The following TMEM132C variants were observed in gnomAD, a reference collection of about 807,000 sequenced individuals.
TMEM132C encodes the protein protein phosphatase 1, regulatory subunit 152.
A neutral mutation model predicts 61.4 loss-of-function variants in TMEM132C; 29 were observed. The observed-to-expected ratio is 0.47, with a 90% CI of 0.35 to 0.64. The LOEUF (loss-of-function observed/expected upper bound fraction) is 0.64. Among genes scored for constraint, TMEM132C ranks in the 30% least tolerant of loss-of-function variants. TMEM132C has a pLI of 0.00. For missense variants in TMEM132C, 1,408 were observed against 1,476.9 expected (o/e 0.95, Z 0.76); for synonymous variants, 656 against 633.1 (o/e 1.04, Z -0.54).
At chr12:128,432,182 A>C (rs915523049) in intron 2 of TMEM132C, among the ~76,000 whole-genome samples, 3 of 152,236 alleles carry the variant, frequency 2.0e-5, no homozygotes, top group African/African-American at 7.2e-5. Context: ...CAGGGGGATG[A>C]ATGCTGTTTA....
At chr12:128,579,629 G>A (rs578012707) in intron 3 of TMEM132C, among the ~76,000 whole-genome samples, 28 of 152,342 alleles carry the variant, frequency 1.8e-4, no homozygotes, top group Middle Eastern at 6.8e-3. Context: ...TTGGATGGCA[G>A]AACCTCTCCC....
chr12:128,333,064 A>G (rs1872701024), intron 1 of TMEM132C, among the ~76,000 whole-genome samples: 2 of 151,832 alleles, frequency 1.3e-5, no homozygotes, highest in African/African-American at 4.8e-5. Context: ...TATTGTGTGT[A>G]TATGTATGGG....
chr12:128,619,057 A>G (rs1477428155), intron 4 of TMEM132C, among the ~76,000 whole-genome samples: 2 of 152,254 alleles, frequency 1.3e-5, no homozygotes, highest in Non-Finnish European at 2.9e-5. Context: ...ATTGGAAGTA[A>G]CTAGCTAATA....
chr12:128,640,484 G>T (rs752733715), intron 4 of TMEM132C, among the ~76,000 whole-genome samples: 18 of 152,258 alleles, frequency 1.2e-4, no homozygotes, highest in Non-Finnish European at 1.8e-4. Context: ...GGGACTGGGG[G>T]CAACTCACAA....
chr12:128,403,776 TCACTC>T (rs1875247461), intron 1 of TMEM132C, among the ~76,000 whole-genome samples: 1 of 152,220 alleles, frequency 6.6e-6, no homozygotes, highest in Non-Finnish European at 1.5e-5. Flanking sequence ...GAACTTCGTG[TCACTC>T]CATGAACTCC....
chr12:128,406,066 G>T (rs778342380), intron 1 of TMEM132C, among the ~76,000 whole-genome samples: 1 of 152,220 alleles, frequency 6.6e-6, no homozygotes, highest in Non-Finnish European at 1.5e-5. Context: ...TGAAGGTGAA[G>T]TTTCCTTAAC....
chr12:128,668,868 C>T (rs887505056), intron 4 of TMEM132C, among the ~76,000 whole-genome samples: 1 of 152,174 alleles, frequency 6.6e-6, no homozygotes, highest in Non-Finnish European at 1.5e-5. Context: ...ACCTTCATGG[C>T]TCCCTCTTAT....
chr12:128,658,640 C>G (rs1266457496), intron 4 of TMEM132C, among the ~76,000 whole-genome samples: 1 of 152,136 alleles, frequency 6.6e-6, no homozygotes, highest in East Asian at 1.9e-4. Context: ...AGTCACCTTC[C>G]TTGAGCTAAA....
At chr12:128,486,733 T>G (rs1022659644) in intron 2 of TMEM132C, among the ~76,000 whole-genome samples, 2 of 152,120 alleles carry the variant, frequency 1.3e-5, no homozygotes, top group African/African-American at 4.8e-5. Flanking sequence ...GCTTGGGCAG[T>G]CCGGGGAAGT....
chr12:128,326,882 T>G lies in TMEM132C; in HGVS notation c.85+59395T>G, dbSNP rs529121320. On this transcript the variant is annotated intron_variant, in intron 1 of 8. Coordinates refer to ENST00000435159, the MANE Select transcript of TMEM132C (RefSeq NM_001136103.3). The surrounding 1 kb of genome is among the most constrained non-coding windows in gnomAD (Gnocchi z 5.6). ...ATAAAGCAGAGGCTTTTGTTGTTGTTGTTAACATTGAACTTCCTTAATTCT... is the reference window on the plus strand; with the variant it reads ...ATAAAGCAGAGGCTTTTGTTGTTGTGGTTAACATTGAACTTCCTTAATTCT... Among the ~76,000 whole-genome samples, 7 of 150,140 alleles carry G rather than the reference T, an allele frequency of 4.7e-5. 2 individuals carry two copies. The highest frequency in any genetic ancestry group is 1.8e-4 in the African/African-American group (7 of 39,432).
chr12:128,310,177 T>C (rs754769216), intron 1 of TMEM132C, among the ~76,000 whole-genome samples: 110 of 152,356 alleles, frequency 7.2e-4, no homozygotes, highest in Non-Finnish European at 9.3e-4. Flanking sequence ...AACCTTCATG[T>C]ATAAGTATTT....
Position 128,705,813 on chromosome 12 carries a change from G to A in TMEM132C, c.2845G>A (p.Ala949Thr). 6.4e-7 allele frequency: 1 copy of A among 1,551,624 alleles called. No individual in the cohort carries two copies. The highest frequency in any genetic ancestry group is 8.7e-7 in the Non-Finnish European group (1 of 1,147,056). Reference protein sequence around the residue: ...LVFLINCATFALKYRHKQVPL... With the variant: ...LVFLINCATFTLKYRHKQVPL... Reference sequence around the variant, plus strand: ...CTTCCTGATCAACTGCGCCACCTTTGCCCTGAAGTACAGGCACAAGCAAGT... The same window carrying A: ...CTTCCTGATCAACTGCGCCACCTTTACCCTGAAGTACAGGCACAAGCAAGT... The change falls in exon 9 of 9, where the codon GCC (alanine) becomes ACC (threonine). Residue 949 changes from alanine (A) to threonine (T), a missense_variant. Ala to Thr is a moderately conservative substitution (Grantham distance 58, BLOSUM62 0). Coordinates refer to ENST00000435159, the MANE Select transcript of TMEM132C (RefSeq NM_001136103.3).
At chr12:128,677,926 T>C (rs1455385914) in intron 5 of TMEM132C, among the ~76,000 whole-genome samples, 1 of 152,248 alleles carries the variant, frequency 6.6e-6, no homozygotes, top group Admixed American at 6.5e-5. Context: ...CTCCGGCACA[T>C]GGAGAGCAAC....
rs545022601 is a variant in TMEM132C, at chr12:128,448,903, C to T, written c.974+33283C>T. 4.5e-4 allele frequency among the ~76,000 whole-genome samples: 69 copies of T among 151,810 alleles called. 1 individual carries two copies. Among genetic ancestry groups the T allele is most frequent in the African/African-American group, 1.2e-3 (50 of 41,420 alleles). ...TTAAAAATTAAGAAATTTTATAGGCCGAGGCGGGCGGATCACGAGGTCAGG... is the reference window on the plus strand; with the variant it reads ...TTAAAAATTAAGAAATTTTATAGGCTGAGGCGGGCGGATCACGAGGTCAGG... On this transcript the variant is annotated intron_variant, in intron 2 of 8. Coordinates refer to ENST00000435159, the MANE Select transcript of TMEM132C (RefSeq NM_001136103.3).
intron 4 of TMEM132C, among the ~76,000 whole-genome samples, chr12:128,620,232 CAAA>C (rs386378194): frequency 1.6e-4 from 10 of 61,980 alleles, no homozygotes; most frequent in African/African-American, 3.4e-4. Flanking sequence ...GACCCTGTCT[CAAA>C]AAAAAAAAAA....
At chr12:128,659,668 A>G (rs1954365015) in intron 4 of TMEM132C, among the ~76,000 whole-genome samples, 1 of 152,216 alleles carries the variant, frequency 6.6e-6, no homozygotes, top group African/African-American at 2.4e-5. Flanking sequence ...CTGGCTACAG[A>G]TGGAAGGAAG....
intron 8 of TMEM132C, among the ~76,000 whole-genome samples, chr12:128,704,102 G>T (rs1954820537): frequency 6.6e-6 from 1 of 152,222 alleles, no homozygotes; most frequent in South Asian, 2.1e-4. Context: ...ATAGGCATGG[G>T]TGTGAGTGGC....
intron 3 of TMEM132C, among the ~76,000 whole-genome samples, chr12:128,563,557 G>A (rs2136165379): frequency 6.6e-6 from 1 of 152,306 alleles, no homozygotes; most frequent in South Asian, 2.1e-4. Context: ...ATCATCTAAT[G>A]TCCCCCATTA....
chr12:128,340,797 CTCTT>C (rs1362815457), intron 1 of TMEM132C, among the ~76,000 whole-genome samples: 30 of 137,810 alleles, frequency 2.2e-4, no homozygotes, highest in East Asian at 1.2e-3. Context: ...CTCTCTCTCT[CTCTT>C]TCTTTCTTTC....
Sources: gnomAD v4.1 joint callset for allele counts (sites outside exome capture counted in the v4.1 genomes callset) on GRCh38, gnomAD v4.1.1 for gene constraint, Gnocchi (gnomAD v3.1) non-coding constraint, MANE v1.5 for transcripts, NCBI Gene and HGNC (gene_info 2026-07-23, HGNC 2026-07-21) for gene names.